Variants in BBS9 observed in about 807,000 individuals in gnomAD.
BBS9 encodes Bardet-Biedl syndrome 9, also known as protein PTHB1.
A neutral mutation model predicts 117.7 loss-of-function variants in BBS9; 89 were observed. The ratio of observed to expected loss-of-function variants is 0.76; its 90% confidence interval spans 0.64 to 0.90. The LOEUF is 0.90. Ranked by LOEUF, BBS9 falls within the 40% of genes least tolerant of loss-of-function variation. BBS9 has a pLI of 0.00. For synonymous variants in BBS9, 379 were observed against 370.9 expected (o/e 1.02, Z -0.25); for missense variants, 982 against 1,042.2 (o/e 0.94, Z 0.80).
intron 1 of BBS9, among the ~76,000 whole-genome samples, chr7:33,143,832 T>C (rs1438031850): frequency 7.5e-6 from 1 of 133,616 alleles, no homozygotes; most frequent in Non-Finnish European, 1.7e-5. Flanking sequence ...CCCAAGATGC[T>C]GGGATTACAA....
intron 4 of BBS9, among the ~76,000 whole-genome samples, chr7:33,166,948 C>A (rs1795798970): frequency 6.6e-6 from 1 of 152,200 alleles, no homozygotes; most frequent in South Asian, 2.1e-4. Context: ...ATGCAAAAAT[C>A]ACCCGTCTTC....
At chr7:33,567,674 G>C (rs1049632624) in intron 21 of BBS9, among the ~76,000 whole-genome samples, 1 of 152,062 alleles carries the variant, frequency 6.6e-6, no homozygotes, top group Non-Finnish European at 1.5e-5. Flanking sequence ...TTCTCACCAG[G>C]TCTTCTCTCC....
chr7:33,179,775 T>G (rs2128168313), intron 5 of BBS9, among the ~76,000 whole-genome samples: 1 of 152,298 alleles, frequency 6.6e-6, no homozygotes, highest in Non-Finnish European at 1.5e-5. Flanking sequence ...TCCACAAAAC[T>G]GGTCCTTGAT....
At position 33,257,356 on chromosome 7, in the gene BBS9, C is replaced by A; in HGVS notation, c.563C>A (p.Ser188Tyr). The change falls in exon 6 of 23, where the codon TCC becomes TAC. Residue 188 changes from serine (S) to tyrosine (Y), a missense_variant. Coordinates refer to ENST00000242067, the MANE Select transcript of BBS9 (RefSeq NM_198428.3). ...CTGCCTGGTCCTCTTGCCTACAGTT[C>A]CCGTACAGATTCCTTCCTTACTGTC... ...FLLPGPLAYS[S>Y]RTDSFLTVSS... 1.2e-6 allele frequency: 2 copies of A among 1,613,904 alleles called. No homozygotes were observed. The highest frequency in any genetic ancestry group is 2.2e-5 in the East Asian group (1 of 44,846).
rs543576776 is a variant in BBS9, at chr7:33,619,528, C to G, written c.2522-15649C>G. ...GTAGACCTAACAGACATATGTATAA[C>G]ATTCCATTCAACAGCAGCAGAACGC... On this transcript the variant is annotated intron_variant, in intron 21 of 21. Transcript: ENST00000671952. Among the ~76,000 whole-genome samples the G allele has an allele frequency of 7.2e-5, 11 of 152,200 alleles. No homozygotes were observed. In the East Asian group the frequency reaches 2.1e-3, roughly 29 times the overall value.
At chr7:33,317,482 AG>A (rs1164910562) in intron 9 of BBS9, among the ~76,000 whole-genome samples, 1 of 151,884 alleles carries the variant, frequency 6.6e-6, no homozygotes, top group Non-Finnish European at 1.5e-5. Context: ...TAAGTCTTTA[AG>A]GGTGTATCTT....
chr7:33,565,843 CTTATATA>C (rs1314397938), intron 21 of BBS9, among the ~76,000 whole-genome samples: 11 of 34,048 alleles, frequency 3.2e-4, no homozygotes, highest in African/African-American at 6.5e-4. Flanking sequence ...ATATATACTG[CTTATATA>C]TATATATATA....
intron 19 of BBS9, among the ~76,000 whole-genome samples, chr7:33,499,831 C>G (rs1478203683): frequency 2.0e-5 from 3 of 152,202 alleles, no homozygotes; most frequent in Admixed American, 2.0e-4. Context: ...AGCACAGCCC[C>G]TGGCTCCTAG....
chr7:33,630,428 G>T (rs1865835508), intron 21 of BBS9, among the ~76,000 whole-genome samples: 1 of 151,850 alleles, frequency 6.6e-6, no homozygotes, highest in South Asian at 2.1e-4. Flanking sequence ...CTATAATTAT[G>T]GTTCACAGTA....
chr7:33,272,988 T>C (rs759387682), intron 7 of BBS9, 24 bp from the exon 8 acceptor site: 19 of 1,612,564 alleles, frequency 1.2e-5, no homozygotes, highest in Admixed American at 6.7e-5. Flanking sequence ...AGCAACTAAA[T>C]TGATATTGAG....
intron 19 of BBS9, among the ~76,000 whole-genome samples, chr7:33,407,839 C>G (rs565902219): frequency 1.1e-4 from 17 of 152,330 alleles, no homozygotes; most frequent in Admixed American, 5.9e-4. Flanking sequence ...TGTCAGTCTG[C>G]CCCTACTGGG....
intron 5 of BBS9, among the ~76,000 whole-genome samples, chr7:33,222,749 A>C (rs1583710252): frequency 6.6e-6 from 1 of 151,734 alleles, no homozygotes; most frequent in African/African-American, 2.4e-5. Context: ...GGAGTTTGAG[A>C]CCAGCCTGCC....
intron 7 of BBS9, among the ~76,000 whole-genome samples, chr7:33,268,390 A>C (rs969088696): frequency 6.6e-6 from 1 of 152,052 alleles, no homozygotes; most frequent in Non-Finnish European, 1.5e-5. Context: ...CATCTCCACA[A>C]TTCACAGAGT....
chr7:33,292,238 TTC>T (rs1491422590), intron 9 of BBS9, among the ~76,000 whole-genome samples: 3 of 152,124 alleles, frequency 2.0e-5, no homozygotes, highest in Non-Finnish European at 4.4e-5. Flanking sequence ...GTTTTTTTTT[TTC>T]CCCCTGAGAC....
chr7:33,567,794 C>T (rs565278795), intron 21 of BBS9, among the ~76,000 whole-genome samples: 1 of 152,200 alleles, frequency 6.6e-6, no homozygotes, highest in African/African-American at 2.4e-5. Flanking sequence ...TCTTCCATAC[C>T]CCGTCTTACC....
At chr7:33,366,353 C>T (rs182163416) in intron 16 of BBS9, among the ~76,000 whole-genome samples, 61 of 151,970 alleles carry the variant, frequency 4.0e-4, no homozygotes, top group South Asian at 1.7e-3. Context: ...CCATTTGTTC[C>T]GTTTTGCTGC....
chr7:33,578,810 T>A (rs1859384361), intron 21 of BBS9, among the ~76,000 whole-genome samples: 1 of 152,212 alleles, frequency 6.6e-6, no homozygotes, highest in Admixed American at 6.5e-5. Flanking sequence ...CTTTCATATT[T>A]CCTGTATCTC....
chr7:33,257,006 G>A (rs930131877), intron 5 of BBS9, among the ~76,000 whole-genome samples: 3 of 151,976 alleles, frequency 2.0e-5, no homozygotes, highest in Admixed American at 2.0e-4. Flanking sequence ...TGAATATTGT[G>A]CTTAATACTG....
intron 7 of BBS9, 56 bp downstream of exon 7, chr7:33,264,430 T>C (rs1272179023): frequency 1.1e-5 from 11 of 998,450 alleles, no homozygotes; most frequent in Non-Finnish European, 9.0e-6. Flanking sequence ...TAATCACATA[T>C]GTTTGTCAAT....
Sources: gnomAD v4.1 joint callset for allele counts (sites outside exome capture counted in the v4.1 genomes callset) on GRCh38, gnomAD v4.1.1 for gene constraint, MANE v1.5 for transcripts, NCBI Gene and HGNC (gene_info 2026-07-23, HGNC 2026-07-21) for gene names.